COPG2: variants seen among roughly 807,000 people sequenced by gnomAD.
COPG2 encodes coatomer subunit gamma-2.
In COPG2, 37 loss-of-function variants were observed where a neutral mutation model predicts 46.3. That is an observed-to-expected ratio of 0.80 (90% CI 0.61 to 1.05). The LOEUF is 1.05. Among genes scored for constraint, COPG2 ranks in the 50% least tolerant of loss-of-function variants. The pLI is 0.00. For synonymous variants in COPG2, 159 were observed against 129.7 expected (o/e 1.23, Z -1.53); for missense variants, 427 against 387.8 (o/e 1.10, Z -0.85).
chr7:130,562,730 T>C (rs1382300682), intron 11 of COPG2, among the ~76,000 whole-genome samples: 1 of 152,214 alleles, frequency 6.6e-6, no homozygotes, highest in African/African-American at 2.4e-5. Flanking sequence ...ACATATTATA[T>C]GTATTATGAT....
Position 130,631,054 on chromosome 7 carries a change from A to G in COPG2, c.324-13989T>C, listed in dbSNP as rs1450101091. Among the ~76,000 whole-genome samples the G allele has an allele frequency of 1.6e-4, 24 of 152,036 alleles. 1 individual carries two copies. Among genetic ancestry groups the G allele is most frequent in the Admixed American group, 1.3e-3 (20 of 15,270 alleles). Reference sequence around the variant, plus strand: ...CTAGCCATCTTTCCCTTTTAATTGAAGTGTTTAGAATAGGTGCCTTTAATG... The same window carrying G: ...CTAGCCATCTTTCCCTTTTAATTGAGGTGTTTAGAATAGGTGCCTTTAATG... On this transcript the variant is annotated intron_variant, in intron 5 of 23. Coordinates refer to ENST00000425248, the MANE Select transcript of COPG2 (RefSeq NM_012133.6).
intron 20 of COPG2, among the ~76,000 whole-genome samples, chr7:130,523,540 G>T (rs1799745504): frequency 6.6e-6 from 1 of 152,174 alleles, no homozygotes; most frequent in African/African-American, 2.4e-5. Context: ...GGCCATCAGG[G>T]TCAAGACTGT....
chr7:130,643,295 A>G (rs1203025562), intron 5 of COPG2, among the ~76,000 whole-genome samples: 2 of 138,940 alleles, frequency 1.4e-5, no homozygotes, highest in Non-Finnish European at 3.1e-5. Flanking sequence ...ACTGTGTCTC[A>G]AAAAAAAAAA....
At chr7:130,538,129 T>C (rs1270384524) in intron 20 of COPG2, among the ~76,000 whole-genome samples, 1 of 152,234 alleles carries the variant, frequency 6.6e-6, no homozygotes, top group East Asian at 1.9e-4. Flanking sequence ...GAAAGATTCC[T>C]GAGTCTGTGG....
intron 20 of COPG2, chr7:130,546,809 A>C (rs1793451659): frequency 6.6e-6 from 1 of 152,188 alleles, no homozygotes; most frequent in Non-Finnish European, 1.5e-5. Flanking sequence ...TTTATGATTT[A>C]TTGTAACTCT....
chr7:130,547,692 C>T lies in COPG2; in HGVS notation c.2131G>A (p.Asp711Asn), dbSNP rs939015698. 2.5e-6 allele frequency: 1 copy of T among 398,486 alleles called. No individual in the cohort carries two copies. The highest frequency in any genetic ancestry group is 4.4e-6 in the Non-Finnish European group (1 of 226,088). The allele number at this position is 398,486 out of a possible 1,614,324, so 24.7% of individuals were successfully genotyped here. A position where few individuals can be genotyped will look rare whatever the true frequency, so the allele number is the denominator to read the frequency against. The change falls in exon 20 of 24, where the codon GAT becomes AAT. Residue 711 changes from aspartate (D) to asparagine (N), a missense_variant. Transcript: ENST00000425248. ...TTAGTACCTGCTGTAGGGTCATCAT[C>T]AGGCAAACGAACAAGAGTGTAACAT... ...GICYTLVRLP[D>N]DDPTAVAGSF...
chr7:130,599,081 G>A (rs1794583669), intron 9 of COPG2, among the ~76,000 whole-genome samples: 1 of 152,172 alleles, frequency 6.6e-6, no homozygotes, highest in African/African-American at 2.4e-5. Flanking sequence ...TTCCATGCTG[G>A]TGCCAGGCAG....
intron 21 of COPG2, 99 bp from the exon 22 acceptor site, chr7:130,507,922 T>G (rs1554440455): frequency 2.9e-6 from 2 of 694,588 alleles, no homozygotes; most frequent in African/African-American, 1.8e-5. Flanking sequence ...TAGAGAAAAC[T>G]CTACCACCAA....
chr7:130,666,898 GGATT>G lies in COPG2; in HGVS notation c.118_121del (p.Asn40GlnfsTer15), dbSNP rs1325605487. On this transcript the variant is annotated frameshift_variant, in exon 3 of 24. Coordinates refer to ENST00000425248, the MANE Select transcript of COPG2 (RefSeq NM_012133.6). LOFTEE classifies it high-confidence loss of function. ...TGTAAGAATATGCAAACATCTTCTT[GGATT>G]GATTGGAGTTTCATTGAATATACGA... The G allele has an allele frequency of 1.3e-6, 2 of 1,564,802 alleles. No homozygotes were observed. The highest frequency in any genetic ancestry group is 2.3e-5 in the East Asian group (1 of 44,308).
chr7:130,574,074 T>A (rs1419611449), intron 9 of COPG2, among the ~76,000 whole-genome samples: 1 of 151,974 alleles, frequency 6.6e-6, no homozygotes, highest in African/African-American at 2.4e-5. Flanking sequence ...TCATAATAGA[T>A]GAAAATGGGA....
intron 5 of COPG2, among the ~76,000 whole-genome samples, chr7:130,629,006 CAG>C: frequency 6.6e-6 from 1 of 152,332 alleles, no homozygotes; most frequent in African/African-American, 2.4e-5. Flanking sequence ...ACCTGGACAA[CAG>C]AGCAAGATGC....
intron 14 of COPG2, among the ~76,000 whole-genome samples, chr7:130,553,025 G>A (rs1034610728): frequency 2.0e-5 from 3 of 152,164 alleles, no homozygotes; most frequent in Non-Finnish European, 4.4e-5. Context: ...GGAAAACTAA[G>A]ACAAAGAGTT....
rs782098986 is a variant in COPG2 at position 130,607,713 on chromosome 7, A to G, written c.737+3240T>C. ...TTCCTTTTATGGCTCCCTCTTTTCC[A>G]GGTTTTCCACTCTAAGTTTTCAGTT... On this transcript the variant is annotated intron_variant, in intron 9 of 23. Transcript: ENST00000425248. The G allele has an allele frequency of 2.9e-5, 15 of 519,910 alleles. No individual in the cohort carries two copies. In the Admixed American group the frequency reaches 2.9e-4, roughly 10 times the overall value. The allele number at this position is 519,910 out of a possible 1,614,324, so 32.2% of individuals were successfully genotyped here. A position where few individuals can be genotyped will look rare whatever the true frequency, so the allele number is the denominator to read the frequency against.
At chr7:130,592,580 T>C (rs1242883157) in intron 9 of COPG2, among the ~76,000 whole-genome samples, 1 of 151,852 alleles carries the variant, frequency 6.6e-6, no homozygotes, top group Non-Finnish European at 1.5e-5. Context: ...ATCAATAAAC[T>C]AGGAATAAAA....
chr7:130,542,409 T>C (rs1343827227), intron 20 of COPG2, among the ~76,000 whole-genome samples: 4 of 151,812 alleles, frequency 2.6e-5, no homozygotes, highest in Admixed American at 1.3e-4. Flanking sequence ...CACTGTTCCT[T>C]AGAGGCAGAA....
At chr7:130,655,224 G>A (rs1795826026) in intron 4 of COPG2, among the ~76,000 whole-genome samples, 1 of 152,038 alleles carries the variant, frequency 6.6e-6, no homozygotes, top group South Asian at 2.1e-4. Context: ...ATTCTGTCGT[G>A]AGGGAAGGTT....
chr7:130,661,698 G>A (rs192819732), intron 4 of COPG2, among the ~76,000 whole-genome samples: 13 of 152,226 alleles, frequency 8.5e-5, no homozygotes, highest in Middle Eastern at 6.8e-3. Context: ...ACAAAGCCTT[G>A]GGTAACTAAC....
chr7:130,509,628 C>T (rs782379268), intron 20 of COPG2: 3 of 500,946 alleles, frequency 6.0e-6, no homozygotes, highest in Non-Finnish European at 1.2e-5. Context: ...TAGTGACTGT[C>T]AATACATGTT....
chr7:130,507,798 G>C lies in COPG2; in HGVS notation c.2273C>G (p.Ser758Cys). ...YVLEDLEVTV[S>C]DHIQKVLKPN... ...CTTCAGTACTTTCTGAATATGGTCAGACACAGTCACTTCGAGATCTTCCAG... is the reference window on the plus strand; with the variant it reads ...CTTCAGTACTTTCTGAATATGGTCACACACAGTCACTTCGAGATCTTCCAG... Residue 758 changes from serine (S) to cysteine (C), a missense_variant, in exon 22 of 24, where the codon TCT (serine) becomes TGT (cysteine). Physicochemically the swap from Ser to Cys is moderately radical, Grantham distance 112. Coordinates refer to ENST00000425248, the MANE Select transcript of COPG2 (RefSeq NM_012133.6). 1.3e-6 allele frequency: 1 copy of C among 780,566 alleles called. No individual in the cohort carries two copies. Among genetic ancestry groups the C allele is most frequent in the Non-Finnish European group, 2.4e-6 (1 of 417,852 alleles). 48.4% of individuals were successfully genotyped at this position (780,566 alleles called of 1,614,324 possible). A position where few individuals can be genotyped will look rare whatever the true frequency, so the allele number is the denominator to read the frequency against.
Sources: allele counts gnomAD v4.1 joint callset (sites outside exome capture counted in the v4.1 genomes callset), GRCh38; gene constraint gnomAD v4.1.1; transcripts MANE v1.5; gene names NCBI Gene and HGNC (gene_info 2026-07-23, HGNC 2026-07-21).